Variants in KLF12 observed in about 807,000 individuals in gnomAD.
KLF12 encodes Krueppel-like factor 12.
Under a neutral mutation model 37.8 loss-of-function variants are expected in KLF12, and 9 were observed. The ratio of observed to expected loss-of-function variants is 0.24; its 90% confidence interval spans 0.14 to 0.42. The LOEUF (loss-of-function observed/expected upper bound fraction) is 0.42. Ranked by LOEUF, KLF12 falls within the 10% of genes least tolerant of loss-of-function variation. KLF12 has a pLI of 1.00. For missense variants in KLF12, 411 were observed against 516.0 expected (o/e 0.80, Z 1.97); for synonymous variants, 208 against 202.1 (o/e 1.03, Z -0.25).
intron 2 of KLF12, among the ~76,000 whole-genome samples, chr13:73,944,776 T>G (rs1377283076): frequency 6.6e-6 from 1 of 152,184 alleles, no homozygotes; most frequent in Non-Finnish European, 1.5e-5. Context: ...CAAACACCAT[T>G]TATAAAAGAT....
intron 3 of KLF12, among the ~76,000 whole-genome samples, chr13:73,877,161 T>G (rs1419196735): frequency 1.3e-5 from 2 of 152,334 alleles, no homozygotes; most frequent in South Asian, 2.1e-4. Flanking sequence ...CAAGTATAAT[T>G]AACAAACTAT....
intron 2 of KLF12, among the ~76,000 whole-genome samples, chr13:73,990,708 TTTAA>T (rs1245650483): frequency 9.2e-5 from 14 of 152,204 alleles, no homozygotes; most frequent in African/African-American, 3.4e-4. Context: ...TTGGGTTTTT[TTTAA>T]TTAACTGTTA....
chr13:74,108,941 A>G (rs1158477724), intron 1 of KLF12, among the ~76,000 whole-genome samples: 1 of 152,200 alleles, frequency 6.6e-6, no homozygotes, highest in East Asian at 1.9e-4. Context: ...TCAAGGGTCA[A>G]GTATATGTGA....
intron 5 of KLF12, among the ~76,000 whole-genome samples, chr13:73,784,425 G>A (rs552837490): frequency 8.6e-5 from 13 of 151,880 alleles, no homozygotes; most frequent in South Asian, 6.3e-4. Context: ...TATTTTTGTC[G>A]TCGTTTTCTC....
chr13:74,177,271 G>A, the KLF12 span, among the ~76,000 whole-genome samples: 1 of 152,128 alleles, frequency 6.6e-6, no homozygotes. Context: ...CTTCTGAGAG[G>A]GAAGGTGAAC....
intron 3 of KLF12, among the ~76,000 whole-genome samples, chr13:73,916,246 C>CAT (rs1491519733): frequency 0.016 from 544 of 33,060 alleles, 7 homozygotes; most frequent in African/African-American, 0.044. Context: ...CACACGCACA[C>CAT]GCACACACAC....
intron 6 of KLF12, among the ~76,000 whole-genome samples, chr13:73,738,371 C>T (rs1372015484): frequency 1.3e-5 from 2 of 150,862 alleles, no homozygotes; most frequent in Non-Finnish European, 3.0e-5. Flanking sequence ...AGGCTGGTCT[C>T]GAACTCCTGA....
At chr13:73,960,621 T>G (rs17061756) in intron 2 of KLF12, among the ~76,000 whole-genome samples, 11,116 of 152,182 alleles carry the variant, frequency 0.073, 652 homozygotes, top group African/African-American at 0.17. Flanking sequence ...CTGTCCCATA[T>G]ATACTCATGT....
chr13:74,228,849 A>C, the KLF12 span, among the ~76,000 whole-genome samples: 8 of 151,924 alleles, frequency 5.3e-5, no homozygotes, highest in African/African-American at 1.9e-4. Flanking sequence ...CTAGTGTTTT[A>C]TCAATTTGCA....
intron 7 of KLF12, among the ~76,000 whole-genome samples, chr13:73,695,983 T>C (rs1314948105): frequency 6.6e-6 from 1 of 152,168 alleles, no homozygotes; most frequent in East Asian, 1.9e-4. Flanking sequence ...AAGAAATTAC[T>C]AAAGCTTTAC....
In KLF12 at chr13:74,124,890, C is replaced by T. The variant is rs1877847847; in HGVS notation, c.-32+8849G>A. 3.3e-5 allele frequency among the ~76,000 whole-genome samples: 5 copies of T among 152,044 alleles called. No individual in the cohort carries two copies. The South Asian group carries it at 1.0e-3, about 32-fold the overall frequency. On this transcript the variant is annotated intron_variant, in intron 1 of 7. Coordinates refer to ENST00000377669, the MANE Select transcript of KLF12 (RefSeq NM_007249.5). ...TATAAACTGGGCCGCGTATGTTGGC[C>T]CACACCTGTAACCCCAGCAGCAAGG...
At chr13:73,853,028 C>T (rs960152052) in intron 3 of KLF12, among the ~76,000 whole-genome samples, 6 of 151,664 alleles carry the variant, frequency 4.0e-5, no homozygotes, top group Non-Finnish European at 5.9e-5. Flanking sequence ...CGCCACCATG[C>T]GGCTAATTTT....
At chr13:73,935,250 A>G (rs1219194193) in intron 3 of KLF12, among the ~76,000 whole-genome samples, 1 of 152,048 alleles carries the variant, frequency 6.6e-6, no homozygotes, top group African/African-American at 2.4e-5. Context: ...CGGCCTCCCA[A>G]AGTGCTGGGA....
At chr13:73,839,108 T>C (rs1566407064) in intron 4 of KLF12, among the ~76,000 whole-genome samples, 1 of 151,870 alleles carries the variant, frequency 6.6e-6, no homozygotes, top group African/African-American at 2.4e-5. Context: ...TTTTTTTTTT[T>C]TTAAGATGGG....
chr13:74,290,652 T>C, the KLF12 span, among the ~76,000 whole-genome samples: 2 of 152,226 alleles, frequency 1.3e-5, no homozygotes, highest in African/African-American at 2.4e-5. Flanking sequence ...TCACGTATTA[T>C]TGGTTAAGAG....
intron 2 of KLF12, among the ~76,000 whole-genome samples, chr13:73,990,103 C>A (rs566703090): frequency 2.6e-5 from 4 of 152,072 alleles, no homozygotes; most frequent in Non-Finnish European, 4.4e-5. Flanking sequence ...AAAAGTTCAA[C>A]TTGAAAGCAC....
At chr13:74,025,903 A>C (rs750038385) in intron 1 of KLF12, among the ~76,000 whole-genome samples, 1 of 152,186 alleles carries the variant, frequency 6.6e-6, no homozygotes, top group Non-Finnish European at 1.5e-5. Context: ...CCACCTCTCT[A>C]GAGTCCCCAT....
At chr13:74,249,059 T>C in the KLF12 span, among the ~76,000 whole-genome samples, 1 of 151,922 alleles carries the variant, frequency 6.6e-6, no homozygotes, top group African/African-American at 2.4e-5. Context: ...TTGAGAAAAT[T>C]TGTGGACCCT....
the KLF12 span, among the ~76,000 whole-genome samples, chr13:74,253,828 T>C: frequency 1.3e-5 from 2 of 152,206 alleles, no homozygotes; most frequent in South Asian, 4.1e-4. Flanking sequence ...ATATAAATTA[T>C]GAAAACACTA....
Sources: gnomAD v4.1 joint callset for allele counts (sites outside exome capture counted in the v4.1 genomes callset) on GRCh38, gnomAD v4.1.1 for gene constraint, MANE v1.5 for transcripts, NCBI Gene and HGNC (gene_info 2026-07-23, HGNC 2026-07-21) for gene names.